Variants in PEPD observed in about 807,000 individuals in gnomAD.
PEPD encodes xaa-Pro dipeptidase.
In PEPD, 53 loss-of-function variants were observed where a neutral mutation model predicts 60.7. The ratio of observed to expected loss-of-function variants is 0.87; its 90% confidence interval spans 0.70 to 1.10. The LOEUF (loss-of-function observed/expected upper bound fraction) is 1.10. Among genes scored for constraint, PEPD ranks in the 50% least tolerant of loss-of-function variants. The pLI, the probability that PEPD is intolerant of heterozygous loss-of-function variation, is 0.00. For missense variants in PEPD, 711 were observed against 711.9 expected (o/e 1.00, Z 0.01); for synonymous variants, 267 against 284.1 (o/e 0.94, Z 0.60).
rs121917723 is a variant in PEPD at position 33,401,855 on chromosome 19, C to T, written c.833G>A (p.Gly278Asp). 42 of 1,613,062 alleles carry T rather than the reference C, an allele frequency of 2.6e-5. No individual in the cohort carries two copies. The highest frequency in any genetic ancestry group is 3.1e-5 in the Non-Finnish European group (36 of 1,179,946). Residue 278 changes from glycine to aspartate, a missense_variant, in exon 12 of 15, where the codon GGC becomes GAC. By Grantham distance (94) the Gly-to-Asp change is moderately conservative. Transcript: ENST00000244137. ...QNGDMCLFDMGGEYYCFASDI... is the reference protein window; with the variant it reads ...QNGDMCLFDMDGEYYCFASDI... ...GGAAGCGAAGCAGTAATACTCACCGCCCATGTCGAACAGGCTGCGGAGAGA... is the reference window on the plus strand; with the variant it reads ...GGAAGCGAAGCAGTAATACTCACCGTCCATGTCGAACAGGCTGCGGAGAGA...
chr19:33,510,141 C>A (rs776231303), intron 3 of PEPD, among the ~76,000 whole-genome samples: 12 of 152,224 alleles, frequency 7.9e-5, no homozygotes, highest in Non-Finnish European at 1.5e-4. Context: ...GACGGAGAAG[C>A]TAGAATTTCA....
At chr19:33,488,230 T>C (rs562788100) in intron 6 of PEPD, among the ~76,000 whole-genome samples, 1 of 152,038 alleles carries the variant, frequency 6.6e-6, no homozygotes, top group African/African-American at 2.4e-5. Context: ...AGAGGAGCAA[T>C]GGGATTTGCT....
At chr19:33,484,921 G>C (rs1970369798) in intron 6 of PEPD, among the ~76,000 whole-genome samples, 1 of 152,206 alleles carries the variant, frequency 6.6e-6, no homozygotes, top group Non-Finnish European at 1.5e-5. Flanking sequence ...TTTCTACAAT[G>C]AGCATGTATT....
At chr19:33,392,550 G>A (rs1968250469) in intron 12 of PEPD, among the ~76,000 whole-genome samples, 2 of 152,196 alleles carry the variant, frequency 1.3e-5, no homozygotes, top group Non-Finnish European at 2.9e-5. Context: ...GGCACGTGGC[G>A]GGGGGCCCCT....
At chr19:33,435,174 G>C (rs1391833297) in intron 9 of PEPD, among the ~76,000 whole-genome samples, 1 of 152,194 alleles carries the variant, frequency 6.6e-6, no homozygotes, top group East Asian at 1.9e-4. Context: ...GCCACCCGCG[G>C]CTGCCCGAAA....
At chr19:33,486,206 C>T (rs939194463) in intron 6 of PEPD, among the ~76,000 whole-genome samples, 11 of 152,098 alleles carry the variant, frequency 7.2e-5, no homozygotes, top group African/African-American at 2.7e-4. Flanking sequence ...AGTCTCAAGT[C>T]TCTTGCTGCA....
intron 1 of PEPD, among the ~76,000 whole-genome samples, chr19:33,519,576 C>T (rs1000270124): frequency 2.0e-5 from 3 of 152,220 alleles, no homozygotes; most frequent in Non-Finnish European, 2.9e-5. Flanking sequence ...TAAAGGAAGC[C>T]ACTGGGGTCA....
chr19:33,407,327 C>T (rs571657495), intron 11 of PEPD, among the ~76,000 whole-genome samples: 1 of 152,368 alleles, frequency 6.6e-6, no homozygotes, highest in Admixed American at 6.5e-5. Flanking sequence ...TTCCCAGAAT[C>T]GTGGACCATG....
intron 13 of PEPD, chr19:33,389,128 G>T (rs1968151921): frequency 6.6e-6 from 1 of 152,340 alleles, no homozygotes; most frequent in Non-Finnish European, 1.5e-5. Flanking sequence ...AAGGTAACCA[G>T]AAACAGGCTG....
intron 12 of PEPD, among the ~76,000 whole-genome samples, chr19:33,397,448 G>T (rs1304344484): frequency 6.6e-6 from 1 of 152,004 alleles, no homozygotes; most frequent in African/African-American, 2.4e-5. Context: ...ACCTGGCCAC[G>T]GCCTCCTCGA....
At chr19:33,484,772 AC>A (rs1970367850) in intron 6 of PEPD, among the ~76,000 whole-genome samples, 1 of 152,204 alleles carries the variant, frequency 6.6e-6, no homozygotes, top group Admixed American at 6.5e-5. Flanking sequence ...ACACACACAC[AC>A]ACACTCAGAC....
chr19:33,393,651 G>A (rs1042654467), intron 12 of PEPD, among the ~76,000 whole-genome samples: 9 of 152,196 alleles, frequency 5.9e-5, no homozygotes, highest in Non-Finnish European at 1.2e-4. Context: ...CAGTGGCATT[G>A]GCCACCATTC....
intron 9 of PEPD, among the ~76,000 whole-genome samples, chr19:33,437,408 A>G (rs1004143561): frequency 2.6e-5 from 4 of 151,720 alleles, no homozygotes; most frequent in Non-Finnish European, 5.9e-5. Context: ...CAACAGCCAC[A>G]CGAGATGCAG....
chr19:33,401,774 A>G lies in PEPD; in HGVS notation c.914T>C (p.Val305Ala), dbSNP rs1600085590. 1 of 1,611,868 alleles carries G rather than the reference A, an allele frequency of 6.2e-7. No homozygotes were observed. The highest frequency in any genetic ancestry group is 8.5e-7 in the Non-Finnish European group (1 of 1,179,312). ...GGAGCTCCGCAGCACTGCCTCATAG[A>G]CGGCCTTCTGGTCTGCAGTGAACTT... ...NGKFTADQKA[V>A]YEAVLRSSRA... Residue 305 changes from valine (V) to alanine (A), a missense_variant, in exon 12 of 15, where the codon GTC becomes GCC. Physicochemically the swap from Val to Ala is moderately conservative, Grantham distance 64. Transcript: ENST00000244137.
At chr19:33,461,645 C>T (rs776093190) in intron 9 of PEPD, among the ~76,000 whole-genome samples, 16 of 152,346 alleles carry the variant, frequency 1.1e-4, no homozygotes, top group South Asian at 2.1e-4. Context: ...GACAGGTTTC[C>T]GGGGCAGTGC....
At chr19:33,463,843 G>T in intron 8 of PEPD, 144 bp downstream of exon 8, 2 of 708,406 alleles carry the variant, frequency 2.8e-6, no homozygotes, top group South Asian at 1.5e-5. Flanking sequence ...ACAGAAAAGA[G>T]AACAATCACT....
intron 4 of PEPD, among the ~76,000 whole-genome samples, chr19:33,493,641 C>T (rs957392558): frequency 7.2e-5 from 11 of 152,132 alleles, no homozygotes; most frequent in African/African-American, 2.7e-4. Flanking sequence ...GCCCTACCCA[C>T]CCTCCAAGGC....
At chr19:33,475,805 C>G (rs554624047) in intron 7 of PEPD, among the ~76,000 whole-genome samples, 1 of 152,298 alleles carries the variant, frequency 6.6e-6, no homozygotes, top group African/African-American at 2.4e-5. Context: ...GACAGGCTCT[C>G]TGGTTTCTCT....
chr19:33,416,969 G>A (rs1201512275), intron 9 of PEPD, among the ~76,000 whole-genome samples: 5 of 152,340 alleles, frequency 3.3e-5, no homozygotes, highest in Non-Finnish European at 1.5e-5. Flanking sequence ...CAGAGACGGC[G>A]TCGCTGGGCC....
Sources: allele counts gnomAD v4.1 joint callset (sites outside exome capture counted in the v4.1 genomes callset), GRCh38; gene constraint gnomAD v4.1.1; transcripts MANE v1.5; gene names NCBI Gene and HGNC (gene_info 2026-07-23, HGNC 2026-07-21).